Variants in FAT2 observed in about 807,000 individuals in gnomAD.
The protein encoded by FAT2 is protocadherin Fat 2.
A neutral mutation model predicts 295.3 loss-of-function variants in FAT2; 150 were observed. That is an observed-to-expected ratio of 0.51 (90% CI 0.44 to 0.58). The LOEUF (loss-of-function observed/expected upper bound fraction) is 0.58, where lower values mean the gene tolerates loss of function less well. Ranked by LOEUF, FAT2 falls within the 20% of genes least tolerant of loss-of-function variation. The pLI is 0.00. For missense variants in FAT2, 4,868 were observed against 5,442.7 expected (o/e 0.89, Z 3.32); for synonymous variants, 2,026 against 2,150.3 (o/e 0.94, Z 1.60).
intron 14 of FAT2, among the ~76,000 whole-genome samples, chr5:151,530,585 AG>A (rs1488415068): frequency 6.6e-6 from 1 of 152,260 alleles, no homozygotes; most frequent in Non-Finnish European, 1.5e-5. Context: ...TTCAGTATGT[AG>A]ATGTTTTGGG....
rs1756399390 is a variant in FAT2 at position 151,544,009 on chromosome 5, T to C, written c.7118A>G (p.Asn2373Ser). The change falls in exon 10 of 24, where the codon AAT becomes AGT. Residue 2373 changes from asparagine (N) to serine (S), a missense_variant. By Grantham distance (46) the Asn-to-Ser change is conservative. Transcript: ENST00000261800. ...TLVVVNVSDI[N>S]DNPPEFRQPQ... ...TTGTCTGAACTCTGGGGGGTTGTCA[T>C]TGATATCAGACACATTGACAACCAC... 1 of 1,614,208 alleles carries C rather than the reference T, an allele frequency of 6.2e-7. No individual in the cohort carries two copies. The highest frequency in any genetic ancestry group is 8.5e-7 in the Non-Finnish European group (1 of 1,180,040).
At chr5:151,548,442 C>T (rs1297031484) in intron 9 of FAT2, among the ~76,000 whole-genome samples, 1 of 152,034 alleles carries the variant, frequency 6.6e-6, no homozygotes, top group Admixed American at 6.6e-5. Flanking sequence ...GTAATAGCCC[C>T]TGGCATTTGT....
chr5:151,506,869 C>T (rs912339642), intron 23 of FAT2, among the ~76,000 whole-genome samples: 2 of 152,178 alleles, frequency 1.3e-5, no homozygotes, highest in Non-Finnish European at 2.9e-5. Context: ...CCTTCTCACT[C>T]CAAGGGTTCT....
At chr5:151,582,374 G>A (rs1189221525) in intron 1 of FAT2, among the ~76,000 whole-genome samples, 1 of 152,186 alleles carries the variant, frequency 6.6e-6, no homozygotes, top group Admixed American at 6.5e-5. Flanking sequence ...GTTCTCATCC[G>A]CAAAGCTGGC....
At position 151,568,608 on chromosome 5, in the gene FAT2, G is replaced by A. The variant is rs1348959150; in HGVS notation, c.324C>T (p.Asn108=). 6.8e-6 allele frequency: 11 copies of A among 1,614,042 alleles called. No homozygotes were observed. The highest frequency in any genetic ancestry group is 9.3e-6 in the Non-Finnish European group (11 of 1,180,040). Residue 108 remains asparagine, a synonymous_variant, in exon 2 of 24, where the codon AAC becomes AAT. Coordinates refer to ENST00000261800, the MANE Select transcript of FAT2 (RefSeq NM_001447.3). ...GGGTGTAGCTGTCTCGCACCTCTCT[G>A]TTCAGAAGAGCTGTGTTGCTGCTCT... ...RTKSSNTALL[N]REVRDSYTLI...
In FAT2 at chr5:151,517,620, C is replaced by T; in HGVS notation, c.11463G>A (p.Lys3821=). The T allele has an allele frequency of 6.2e-7, 1 of 1,614,048 alleles. No homozygotes were observed. The highest frequency in any genetic ancestry group is 8.5e-7 in the Non-Finnish European group (1 of 1,180,020). The part of the protein sequence containing the change: ...FTNETASVSL[K]LASGVPQLEY... ...ATCTCTCAGGCTGGCAGTGCCTTAC[C>T]TTCAGGGAGACGGACGCTGTTTCAT... Residue 3821 remains lysine (K), a splice_region_variant and synonymous_variant, in exon 20 of 24, where the codon AAG becomes AAA. Coordinates refer to ENST00000261800, the MANE Select transcript of FAT2 (RefSeq NM_001447.3).
At position 151,567,718 on chromosome 5, in the gene FAT2, C is replaced by A. The variant is rs2127648527; in HGVS notation, c.1214G>T (p.Gly405Val). 6.2e-7 allele frequency: 1 copy of A among 1,614,140 alleles called. No homozygotes were observed. The highest frequency in any genetic ancestry group is 8.5e-7 in the Non-Finnish European group (1 of 1,180,036). Residue 405 changes from glycine (G) to valine (V), a missense_variant, in exon 2 of 24, where the codon GGA becomes GTA. Coordinates refer to ENST00000261800, the MANE Select transcript of FAT2 (RefSeq NM_001447.3). ...YVLKPSSENVGFKLNARTGLI... is the reference protein window; with the variant it reads ...YVLKPSSENVVFKLNARTGLI... ...CCCAGTTCGAGCATTAAGTTTAAAT[C>A]CTACATTCTCTGAAGATGGCTTTAG...
At chr5:151,526,269 A>G (rs986246946) in intron 17 of FAT2, among the ~76,000 whole-genome samples, 1 of 152,362 alleles carries the variant, frequency 6.6e-6, no homozygotes, top group South Asian at 2.1e-4. Flanking sequence ...GACTTGCTCA[A>G]GATCACACAC....
At position 151,507,386 on chromosome 5, in the gene FAT2, G is replaced by C; in HGVS notation, c.12285C>G (p.Thr4095=). 1 of 1,614,130 alleles carries C rather than the reference G, an allele frequency of 6.2e-7. No individual in the cohort carries two copies. The highest frequency in any genetic ancestry group is 1.7e-5 in the Admixed American group (1 of 60,028). ...TGAGCTCGATGGCAGGCATGGCTTG[G>C]GTGTCAACACCAACACTCCTGGCCA... The part of the protein sequence containing the change: ...DLLARSVGVD[T]QAMPAIELNP... The change falls in exon 23 of 24, where the codon ACC becomes ACG. Residue 4095 remains threonine (T), a synonymous_variant. Transcript: ENST00000261800.
At chr5:151,572,056 AC>A (rs1460557177) in intron 1 of FAT2, among the ~76,000 whole-genome samples, 1 of 151,888 alleles carries the variant, frequency 6.6e-6, no homozygotes, top group Non-Finnish European at 1.5e-5. Flanking sequence ...CTTAAATGTC[AC>A]CTCCTGAGCT....
chr5:151,551,533 G>T lies in FAT2; in HGVS notation c.4230C>A (p.Thr1410=). The T allele has an allele frequency of 6.2e-7, 1 of 1,614,158 alleles. No homozygotes were observed. Among genetic ancestry groups the T allele is most frequent in the South Asian group, 1.1e-5 (1 of 91,088 alleles). ...TCAAGTTATAGTTCGACCTTCTCCT[G>T]GTATCAAGAGGCCTGGCAATGACGA... ...GSIVIARPLD[T]RRRSNYNLTV... The change falls in exon 7 of 24, where the codon ACC becomes ACA. Residue 1410 remains threonine (T), a synonymous_variant. Coordinates refer to ENST00000261800, the MANE Select transcript of FAT2 (RefSeq NM_001447.3).
upstream of FAT2, among the ~76,000 whole-genome samples, chr5:151,593,657 T>C (rs1003824421): frequency 2.6e-5 from 4 of 152,068 alleles, no homozygotes; most frequent in African/African-American, 7.2e-5. Flanking sequence ...CATATTCCAC[T>C]CCCCTTTGTG....
intron 1 of FAT2, among the ~76,000 whole-genome samples, chr5:151,573,941 T>A (rs1758643113): frequency 6.6e-6 from 1 of 152,170 alleles, no homozygotes; most frequent in South Asian, 2.1e-4. Flanking sequence ...GGTGGCCACC[T>A]GAGGAGCATA....
Position 151,521,371 on chromosome 5 carries a change from ACT to A in FAT2, c.11220_11221del (p.Val3741AlafsTer73), listed in dbSNP as rs1753434089. ...GGGCCCAACCTTGGGGTCCAGATGC[ACT>A]GTGTTATGGCAGATTTGACCCTGGC... On this transcript the variant is annotated frameshift_variant, in exon 19 of 24. Coordinates refer to ENST00000261800, the MANE Select transcript of FAT2 (RefSeq NM_001447.3). LOFTEE classifies it high-confidence loss of function. 1 of 1,614,072 alleles carries A rather than the reference ACT, an allele frequency of 6.2e-7. No individual in the cohort carries two copies. Among genetic ancestry groups the A allele is most frequent in the Non-Finnish European group, 8.5e-7 (1 of 1,180,036 alleles).
chr5:151,541,952 C>T (rs1309181671), intron 10 of FAT2, among the ~76,000 whole-genome samples: 2 of 152,250 alleles, frequency 1.3e-5, no homozygotes, highest in Non-Finnish European at 2.9e-5. Flanking sequence ...GATCATGCAA[C>T]ATTCTTGGTG....
In FAT2 at chr5:151,569,757, G is replaced by T. The variant is rs73273958; in HGVS notation, c.-20-806C>A. On this transcript the variant is annotated intron_variant, in intron 1 of 23. Coordinates refer to ENST00000261800, the MANE Select transcript of FAT2 (RefSeq NM_001447.3). ...GCCAGGAACCAAGTTTAGCTATCTG[G>T]TTCTAAACTACTATTCTCTCTCCTT... Among the ~76,000 whole-genome samples the T allele has an allele frequency of 5.9e-3, 900 of 152,310 alleles. 14 individuals are homozygous for T. Among genetic ancestry groups the T allele is most frequent in the African/African-American group, 0.021 (871 of 41,574 alleles).
chr5:151,561,261 G>A (rs562675586), intron 3 of FAT2, among the ~76,000 whole-genome samples: 5 of 152,308 alleles, frequency 3.3e-5, no homozygotes, highest in African/African-American at 7.2e-5. Flanking sequence ...GGAGGGGCCC[G>A]GACTGAGGCA....
intron 18 of FAT2, 82 bp downstream of exon 18, chr5:151,525,686 A>G: frequency 6.6e-7 from 1 of 1,507,414 alleles, no homozygotes; most frequent in South Asian, 1.1e-5. Flanking sequence ...TTTTTTCCCT[A>G]ATGACAGAAG....
In FAT2 at chr5:151,567,303, G is replaced by A. The variant is rs1369247320; in HGVS notation, c.1629C>T (p.Arg543=). ...GAAAAATGGACACTTCCTTCTCCCG[G>A]CGAAAAGGGGATCCCCAGTCTGATG... The part of the protein sequence containing the change: ...VRASDWGSPF[R]REKEVSIFLQ... Residue 543 remains arginine, a synonymous_variant, in exon 2 of 24, where the codon CGC becomes CGT. Coordinates refer to ENST00000261800, the MANE Select transcript of FAT2 (RefSeq NM_001447.3). 4 of 1,614,026 alleles carry A rather than the reference G, an allele frequency of 2.5e-6. No homozygotes were observed. Among genetic ancestry groups the A allele is most frequent in the Non-Finnish European group, 3.4e-6 (4 of 1,180,004 alleles).
Sources: allele counts gnomAD v4.1 joint callset (sites outside exome capture counted in the v4.1 genomes callset), GRCh38; gene constraint gnomAD v4.1.1; transcripts MANE v1.5; gene names NCBI Gene and HGNC (gene_info 2026-07-23, HGNC 2026-07-21).